The following DNASE1 variants were observed in gnomAD, a reference collection of about 807,000 sequenced individuals.
DNASE1 encodes the protein deoxyribonuclease 1.
Under a neutral mutation model 33.9 loss-of-function variants are expected in DNASE1, and 40 were observed. The ratio of observed to expected loss-of-function variants is 1.18; its 90% confidence interval spans 0.92 to 1.54. The LOEUF (loss-of-function observed/expected upper bound fraction) is 1.54. Ranked by LOEUF, DNASE1 falls within the 40% of genes most tolerant of loss-of-function variation. DNASE1 has a pLI of 0.00. For synonymous variants in DNASE1, 216 were observed against 160.0 expected (o/e 1.35, Z -2.64); for missense variants, 518 against 372.6 (o/e 1.39, Z -3.21).
intron 1 of DNASE1, among the ~76,000 whole-genome samples, chr16:3,643,993 G>A (rs1437519486): frequency 3.9e-5 from 6 of 152,032 alleles, no homozygotes; most frequent in Admixed American, 1.3e-4. Context: ...TGCCTGCCTC[G>A]GCCTCCCAAA....
rs2042577284 is a variant in DNASE1, at chr16:3,655,942, G to A, written c.236+5G>A. ...GCTGCTGGACAACCTCAATCAGTGGGTGACAGTGGCAGGGTCATAGGAAGG... is the reference window on the plus strand; with the variant it reads ...GCTGCTGGACAACCTCAATCAGTGGATGACAGTGGCAGGGTCATAGGAAGG... On this transcript the variant is annotated splice_donor_5th_base_variant and intron_variant, in intron 3 of 8. Coordinates refer to ENST00000246949, the MANE Select transcript of DNASE1 (RefSeq NM_005223.4). 2 of 1,613,696 alleles carry A rather than the reference G, an allele frequency of 1.2e-6. No homozygotes were observed.
At chr16:3,654,211 C>A (rs769907995), upstream of DNASE1, 1 of 397,104 alleles carries the variant, frequency 2.5e-6, no homozygotes, top group Non-Finnish European at 4.4e-6. Flanking sequence ...CACTCGGGAT[C>A]CCCTGGGCCT....
chr16:3,612,157 A>G (rs1184850864), intron 1 of DNASE1, among the ~76,000 whole-genome samples: 1 of 152,204 alleles, frequency 6.6e-6, no homozygotes, highest in East Asian at 1.9e-4. Flanking sequence ...GAAAGGTAGC[A>G]GAGGTTTGCC....
At chr16:3,662,940 G>A (rs112776374), downstream of DNASE1, 220 of 1,612,400 alleles carry the variant, frequency 1.4e-4, no homozygotes, top group African/African-American at 1.1e-3. Context: ...GAGCTCCTCC[G>A]TCTCCTTCTC....
At chr16:3,658,140 C>G, downstream of DNASE1, 2 of 1,614,054 alleles carry the variant, frequency 1.2e-6, no homozygotes, top group Non-Finnish European at 1.7e-6. Context: ...CAGTGTCGCT[C>G]CAGGGCCTTG....
intron 1 of DNASE1, among the ~76,000 whole-genome samples, chr16:3,648,594 C>T (rs960220645): frequency 6.6e-6 from 1 of 151,898 alleles, no homozygotes; most frequent in Non-Finnish European, 1.5e-5. Context: ...GCACTCCAGC[C>T]TAGAAAGAAA....
downstream of DNASE1, chr16:3,662,167 G>A (rs767659168): frequency 2.1e-5 from 33 of 1,590,386 alleles, no homozygotes; most frequent in East Asian, 2.7e-4. Context: ...GGTGATAGAG[G>A]TTCCCAATGT....
downstream of DNASE1, chr16:3,663,077 A>T (rs2043175485): frequency 5.2e-5 from 43 of 830,768 alleles, no homozygotes; most frequent in South Asian, 6.8e-4. Flanking sequence ...ACCAGGATGG[A>T]GACACAAGCT....
intron 1 of DNASE1, among the ~76,000 whole-genome samples, chr16:3,629,012 A>G: frequency 6.6e-6 from 1 of 150,590 alleles, no homozygotes; most frequent in Non-Finnish European, 1.5e-5. Flanking sequence ...TCTCTACTAA[A>G]AATACAAACA....
chr16:3,639,293 A>G (rs2041963896), upstream of DNASE1, among the ~76,000 whole-genome samples: 1 of 152,216 alleles, frequency 6.6e-6, no homozygotes, highest in South Asian at 2.1e-4. Flanking sequence ...TGTCTGTGAC[A>G]TGAGCTGGTA....
chr16:3,630,103 C>G (rs1003661723), intron 1 of DNASE1, among the ~76,000 whole-genome samples: 1 of 152,122 alleles, frequency 6.6e-6, no homozygotes, highest in Non-Finnish European at 1.5e-5. Flanking sequence ...CAGGCGTGAG[C>G]CACCACGCCC....
chr16:3,662,731 G>A (rs557944155), downstream of DNASE1: 32 of 745,260 alleles, frequency 4.3e-5, no homozygotes, highest in African/African-American at 2.2e-4. Context: ...AACACGTGCC[G>A]AGCAGGGACC....
chr16:3,657,639 C>A (rs1164049349), intron 7 of DNASE1, 81 bp from the exon 8 acceptor site: 21 of 1,571,376 alleles, frequency 1.3e-5, no homozygotes, highest in Admixed American at 3.6e-5. Context: ...GGTCCCAGGG[C>A]TCTTAGTTTA....
At chr16:3,619,359 TTTA>T (rs2041222611) in intron 1 of DNASE1, among the ~76,000 whole-genome samples, 1 of 144,784 alleles carries the variant, frequency 6.9e-6, no homozygotes, top group African/African-American at 2.6e-5. Context: ...CTTTCTTTCT[TTTA>T]TTTTTTATTT....
chr16:3,614,115 T>C (rs1418285157), intron 1 of DNASE1, among the ~76,000 whole-genome samples: 1 of 152,064 alleles, frequency 6.6e-6, no homozygotes, highest in Non-Finnish European at 1.5e-5. Flanking sequence ...GGTTTCACCA[T>C]ATTAGCCAGG....
intron 1 of DNASE1, among the ~76,000 whole-genome samples, chr16:3,637,064 C>G (rs978457389): frequency 6.6e-6 from 1 of 151,686 alleles, no homozygotes; most frequent in Non-Finnish European, 1.5e-5. Flanking sequence ...GCAGAGGTTG[C>G]AGTCAGTAGA....
intron 1 of DNASE1, among the ~76,000 whole-genome samples, chr16:3,647,387 C>T (rs756049820): frequency 6.6e-6 from 1 of 151,768 alleles, no homozygotes; most frequent in Non-Finnish European, 1.5e-5. Flanking sequence ...AATCCTCCTA[C>T]CTCAGCCTCC....
At chr16:3,662,158 G>C (rs377116981), downstream of DNASE1, 6 of 1,596,208 alleles carry the variant, frequency 3.8e-6, no homozygotes, top group Non-Finnish European at 5.1e-6. Context: ...GGGGTTGAGG[G>C]TGATAGAGGT....
At chr16:3,628,509 A>C (rs2151173075) in intron 1 of DNASE1, among the ~76,000 whole-genome samples, 2 of 152,120 alleles carry the variant, frequency 1.3e-5, no homozygotes, top group Middle Eastern at 6.8e-3. Context: ...AAAATTTTTT[A>C]GTCATTCACT....
Sources: gnomAD v4.1 joint callset for allele counts (sites outside exome capture counted in the v4.1 genomes callset) on GRCh38, gnomAD v4.1.1 for gene constraint, MANE v1.5 for transcripts, NCBI Gene and HGNC (gene_info 2026-07-23, HGNC 2026-07-21) for gene names.